The following TDP1 variants were observed in gnomAD, a reference collection of about 807,000 sequenced individuals.
The protein encoded by TDP1 is tyr-DNA phosphodiesterase 1.
In TDP1, 64 loss-of-function variants were observed where a neutral mutation model predicts 81.5. The ratio of observed to expected loss-of-function variants is 0.79; its 90% CI spans 0.64 to 0.97. The LOEUF is 0.97. Ranked by LOEUF, TDP1 falls within the 50% of genes least tolerant of loss-of-function variation. The pLI is 0.00. For synonymous variants in TDP1, 256 were observed against 264.3 expected, an observed-to-expected ratio of 0.97 and a Z score of 0.30; for missense variants, 723 against 743.8, an observed-to-expected ratio of 0.97 and a Z score of 0.33.
chr14:89,988,861 A>C, intron 10 of TDP1, 44 bp from the exon 11 acceptor site: 1 of 1,613,222 alleles, frequency 6.2e-7, no homozygotes, highest in Non-Finnish European at 8.5e-7. Flanking sequence ...ATTTCTGTTA[A>C]GATTATTTGA....
intron 16 of TDP1, chr14:90,033,675 C>G: frequency 5.0e-6 from 1 of 199,726 alleles, no homozygotes; most frequent in South Asian, 8.9e-5. Flanking sequence ...CTACTGAATG[C>G]GTATCACTTT....
Position 90,039,112 on chromosome 14 carries a change from C to T in TDP1, c.1754-3958C>T, listed in dbSNP as rs1888111904. Among the ~76,000 whole-genome samples, 4 of 152,132 alleles carry T rather than the reference C, an allele frequency of 2.6e-5. No homozygotes were observed. In the South Asian group the frequency reaches 8.3e-4, roughly 32 times the overall value. On this transcript the variant is annotated intron_variant, in intron 16 of 16. Transcript: ENST00000335725. ...TTGAAATAAATAAGTACTGAATTTT[C>T]AGCAAGTTGAATTTATCCTCACACC...
intron 2 of TDP1, among the ~76,000 whole-genome samples, chr14:89,959,297 G>T (rs1892049241): frequency 6.6e-6 from 1 of 152,214 alleles, no homozygotes; most frequent in Admixed American, 6.5e-5. Flanking sequence ...AAGCTCTCAG[G>T]TTCTACATTT....
intron 16 of TDP1, among the ~76,000 whole-genome samples, chr14:90,034,066 C>CT (rs1047649177): frequency 6.6e-6 from 1 of 150,810 alleles, no homozygotes; most frequent in African/African-American, 2.4e-5. Context: ...GACCCCAACT[C>CT]TAAGGAAAAA....
At chr14:89,976,999 T>C (rs959835601) in intron 7 of TDP1, among the ~76,000 whole-genome samples, 2 of 151,914 alleles carry the variant, frequency 1.3e-5, no homozygotes, top group African/African-American at 2.4e-5. Flanking sequence ...ACTAAAAATA[T>C]AAAAATTAGC....
At chr14:90,022,849 GT>G in intron 15 of TDP1, 1 of 703,368 alleles carries the variant, frequency 1.4e-6, no homozygotes, top group Non-Finnish European at 1.7e-6. Context: ...GTTTCGCTGA[GT>G]TTATACGTGC....
At chr14:90,002,443 G>A (rs2140180351) in intron 14 of TDP1, among the ~76,000 whole-genome samples, 1 of 152,204 alleles carries the variant, frequency 6.6e-6, no homozygotes. Flanking sequence ...AGTATGCTGT[G>A]TTTAATATTA....
At chr14:90,026,168 T>C (rs1157861767) in intron 15 of TDP1, among the ~76,000 whole-genome samples, 1 of 152,250 alleles carries the variant, frequency 6.6e-6, no homozygotes, top group Non-Finnish European at 1.5e-5. Flanking sequence ...TGCACTCTTA[T>C]GATGTGGCTC....
intron 15 of TDP1, chr14:90,032,579 C>A: frequency 4.8e-6 from 1 of 210,100 alleles, no homozygotes; most frequent in Non-Finnish European, 8.3e-6. Context: ...AAATTAATAC[C>A]CTATTCTAGA....
At chr14:90,002,688 G>A (rs1270992845) in intron 14 of TDP1, among the ~76,000 whole-genome samples, 1 of 150,344 alleles carries the variant, frequency 6.7e-6, no homozygotes, top group African/African-American at 2.5e-5. Flanking sequence ...TGAGCAACAT[G>A]GTAAAACCCC....
intron 14 of TDP1, among the ~76,000 whole-genome samples, chr14:90,011,179 T>A (rs182397415): frequency 6.6e-6 from 1 of 152,322 alleles, no homozygotes; most frequent in Admixed American, 6.5e-5. Flanking sequence ...TTGTGAAGCA[T>A]CCCCAGCCAT....
chr14:90,025,982 T>C (rs1886603141), intron 15 of TDP1, among the ~76,000 whole-genome samples: 2 of 152,240 alleles, frequency 1.3e-5, no homozygotes, highest in Admixed American at 6.5e-5. Context: ...GGTCCAATAC[T>C]GCTTACTTCC....
chr14:90,019,639 T>G (rs912194203), intron 15 of TDP1, among the ~76,000 whole-genome samples: 2 of 151,298 alleles, frequency 1.3e-5, no homozygotes, highest in African/African-American at 2.5e-5. Context: ...ATGTACTTGA[T>G]TAGGAATTGA....
intron 12 of TDP1, among the ~76,000 whole-genome samples, chr14:89,990,547 CTTTT>C (rs34248681): frequency 1.6e-3 from 160 of 102,354 alleles, no homozygotes; most frequent in African/African-American, 5.9e-3. Context: ...TGTATTAGCC[CTTTT>C]TTTTTTTTTT....
chr14:89,998,370 CATTATATATATATATATA>C (rs1372228732), intron 14 of TDP1, among the ~76,000 whole-genome samples: 10 of 98,292 alleles, frequency 1.0e-4, no homozygotes, highest in East Asian at 2.5e-4. Context: ...GTTCCAAGCA[CATTATATATATATATATA>C]TATATATATA....
intron 8 of TDP1, chr14:89,984,224 G>A (rs765030561): frequency 7.9e-5 from 78 of 985,314 alleles, no homozygotes; most frequent in Non-Finnish European, 9.2e-5. Context: ...GAGCAATAAG[G>A]AAGGTTTGGC....
chr14:90,026,368 C>T (rs1452899233), intron 15 of TDP1, among the ~76,000 whole-genome samples: 2 of 152,260 alleles, frequency 1.3e-5, no homozygotes, highest in Non-Finnish European at 2.9e-5. Flanking sequence ...CTGATGTTCT[C>T]GCATCCAGCG....
intron 7 of TDP1, among the ~76,000 whole-genome samples, chr14:89,977,660 T>C (rs1044290856): frequency 3.3e-5 from 5 of 152,214 alleles, no homozygotes; most frequent in African/African-American, 1.2e-4. Flanking sequence ...CAAGAGGATA[T>C]AGAGTTTTTA....
At chr14:89,961,740 A>G (rs186206520) in intron 2 of TDP1, among the ~76,000 whole-genome samples, 1 of 152,186 alleles carries the variant, frequency 6.6e-6, no homozygotes, top group Non-Finnish European at 1.5e-5. Context: ...ATGCATATGT[A>G]TTGATTTGCA....
Sources: allele counts gnomAD v4.1 joint callset (sites outside exome capture counted in the v4.1 genomes callset), GRCh38; gene constraint gnomAD v4.1.1; transcripts MANE v1.5; gene names NCBI Gene and HGNC (gene_info 2026-07-23, HGNC 2026-07-21).